CNIH1: variants seen among roughly 807,000 people sequenced by gnomAD.
CNIH1 encodes cornichon family member 1.
In CNIH1, 12 loss-of-function variants were observed where a neutral mutation model predicts 20.2. The observed-to-expected ratio is 0.59, with a 90% CI of 0.38 to 0.96. The LOEUF (loss-of-function observed/expected upper bound fraction) is 0.96. CNIH1 is among the 40% of genes least tolerant of loss of function. The probability of loss-of-function intolerance (pLI) is 0.00; values close to 1 mark genes in which losing one functional copy is unlikely to be tolerated. For missense variants in CNIH1, 152 were observed against 178.8 expected (o/e 0.85, Z 0.85); for synonymous variants, 69 against 63.3 (o/e 1.09, Z -0.43).
chr14:54,440,840 T>C (rs1340393566), intron 1 of CNIH1, among the ~76,000 whole-genome samples: 2 of 152,170 alleles, frequency 1.3e-5, no homozygotes, highest in Non-Finnish European at 2.9e-5. Context: ...AGAAAGTCAA[T>C]CTGTATTAAC....
chr14:54,437,949 T>C (rs1442921314), intron 1 of CNIH1, among the ~76,000 whole-genome samples: 1 of 151,816 alleles, frequency 6.6e-6, no homozygotes, highest in Non-Finnish European at 1.5e-5. Context: ...TGACATTTAA[T>C]TGGACATTTT....
chr14:54,436,928 G>A (rs946813938), intron 1 of CNIH1: 25 of 328,912 alleles, frequency 7.6e-5, no homozygotes, highest in African/African-American at 5.1e-4. Flanking sequence ...CTGGAGTGTG[G>A]TATTTACACA....
rs954535958 is a variant in CNIH1 at position 54,430,008 on chromosome 14, CTGAA to C, written c.407+249_407+252del. ...GAGAATGAGGACCATCCTTTACTGACTGAATGTGTCTGAAAACTTATGAAGCAGC... is the reference window on the plus strand; with the variant it reads ...GAGAATGAGGACCATCCTTTACTGACTGTGTCTGAAAACTTATGAAGCAGC... On this transcript the variant is annotated intron_variant, in intron 4 of 4. Coordinates refer to ENST00000216416, the MANE Select transcript of CNIH1 (RefSeq NM_005776.3). 11 of 445,486 alleles carry C rather than the reference CTGAA, an allele frequency of 2.5e-5. 1 individual carries two copies. The highest frequency in any genetic ancestry group is 3.5e-5 in the Admixed American group (1 of 28,170). The allele number at this position is 445,486 out of a possible 1,614,324, so 27.6% of individuals were successfully genotyped here. A position where few individuals can be genotyped will look rare whatever the true frequency, so the allele number is the denominator to read the frequency against.
At position 54,441,235 on chromosome 14, in the gene CNIH1, C is replaced by G; in HGVS notation, c.81+12G>C. 6.6e-7 allele frequency: 1 copy of G among 1,505,782 alleles called. No homozygotes were observed. Among genetic ancestry groups the G allele is most frequent in the Non-Finnish European group, 8.9e-7 (1 of 1,125,130 alleles). The allele number at this position is 1,505,782 out of a possible 1,614,324, so 93.3% of individuals were successfully genotyped here. ...CCGCCTCGCCCTCCTTTCCCCAGCC[C>G]CAGCTACTCACGTGCCAAATGGCGA... On this transcript the variant is annotated intron_variant, in intron 1 of 4. Transcript: ENST00000216416.
Position 54,436,455 on chromosome 14 carries a change from C to T in CNIH1, c.82-18G>A. ...GCTATAATCTAAAATAAAATTAAAA[C>T]AGTTAGGACCACTCACTTTAATTAA... On this transcript the variant is annotated intron_variant, in intron 1 of 4. Coordinates refer to ENST00000216416, the MANE Select transcript of CNIH1 (RefSeq NM_005776.3). 7.6e-7 allele frequency: 1 copy of T among 1,321,530 alleles called. No homozygotes were observed. Among genetic ancestry groups the T allele is most frequent in the South Asian group, 1.2e-5 (1 of 80,622 alleles). 81.9% of individuals were successfully genotyped at this position (1,321,530 alleles called of 1,614,324 possible). A position where few individuals can be genotyped will look rare whatever the true frequency, so the allele number is the denominator to read the frequency against.
At chr14:54,431,327 C>T (rs1420186143) in intron 3 of CNIH1, among the ~76,000 whole-genome samples, 1 of 152,112 alleles carries the variant, frequency 6.6e-6, no homozygotes, top group Non-Finnish European at 1.5e-5. Context: ...AGGGTTTCAC[C>T]ATCTTGGCCA....
At chr14:54,437,732 T>C (rs1362623141) in intron 1 of CNIH1, among the ~76,000 whole-genome samples, 1 of 152,020 alleles carries the variant, frequency 6.6e-6, no homozygotes, top group Non-Finnish European at 1.5e-5. Flanking sequence ...TAATGACACC[T>C]AACACAAATG....
At chr14:54,438,127 A>C (rs1594619655) in intron 1 of CNIH1, among the ~76,000 whole-genome samples, 2 of 152,094 alleles carry the variant, frequency 1.3e-5, no homozygotes, top group Admixed American at 1.3e-4. Flanking sequence ...CTACAGGTGC[A>C]TGCCACCATG....
At chr14:54,439,922 G>C (rs529500356) in intron 1 of CNIH1, among the ~76,000 whole-genome samples, 1 of 152,266 alleles carries the variant, frequency 6.6e-6, no homozygotes, top group South Asian at 2.1e-4. Context: ...CTTAGGTATT[G>C]TTCTTCCATC....
chr14:54,436,845 T>C (rs2031064337), intron 1 of CNIH1: 4 of 424,360 alleles, frequency 9.4e-6, no homozygotes, highest in African/African-American at 6.3e-5. Flanking sequence ...CTAACTCCTT[T>C]GGGCAGAAGT....
chr14:54,440,233 G>GT (rs1263943304), intron 1 of CNIH1, among the ~76,000 whole-genome samples: 8 of 152,116 alleles, frequency 5.3e-5, no homozygotes, highest in African/African-American at 1.9e-4. Context: ...TAAAATCTAC[G>GT]TAAGAGTGAA....
chr14:54,430,262 C>G lies in CNIH1; in HGVS notation c.406G>C (p.Gly136Arg), dbSNP rs1382130808. 6.2e-7 allele frequency: 1 copy of G among 1,613,822 alleles called. No homozygotes were observed. Among genetic ancestry groups the G allele is most frequent in the African/African-American group, 1.3e-5 (1 of 75,052 alleles). ...TTTCATTTTACCTTTTCAACTTACCCATATAGGTAGTAAAAAAATGCTAGA... is the reference window on the plus strand; with the variant it reads ...TTTCATTTTACCTTTTCAACTTACCGATATAGGTAGTAAAAAAATGCTAGA... ...YLLAFFYYLY[G>R]MIYVLVSS The change falls in exon 4 of 5, where the codon GGC becomes CGC. Residue 136 changes from glycine (G) to arginine (R), a missense_variant and splice_region_variant. By Grantham distance (125) the Gly-to-Arg change is moderately radical (BLOSUM62 -2). Transcript: ENST00000216416.
intron 2 of CNIH1, among the ~76,000 whole-genome samples, chr14:54,433,735 A>T (rs2030994024): frequency 6.6e-6 from 1 of 152,176 alleles, no homozygotes; most frequent in African/African-American, 2.4e-5. Context: ...TAACAAACAA[A>T]TCCTCATGCA....
chr14:54,426,450 T>C lies in CNIH1; in HGVS notation c.*1364A>G, dbSNP rs564288421. The C allele has an allele frequency of 2.6e-4, 40 of 152,302 alleles. No homozygotes were observed. The highest frequency in any genetic ancestry group is 2.5e-3 in the South Asian group (12 of 4,822). The allele number at this position is 152,302 out of a possible 1,614,324, so 9.4% of individuals were successfully genotyped here. A position where few individuals can be genotyped will look rare whatever the true frequency, so the allele number is the denominator to read the frequency against. Reference sequence around the variant, plus strand: ...GAAATTTCTATATATTGGTTCTCTTTCTTTTGATCCTCTTCTCAAGAAACT... The same window carrying C: ...GAAATTTCTATATATTGGTTCTCTTCCTTTTGATCCTCTTCTCAAGAAACT... On this transcript the variant is annotated 3_prime_UTR_variant, in exon 5 of 5. Coordinates refer to ENST00000216416, the MANE Select transcript of CNIH1 (RefSeq NM_005776.3).
intron 2 of CNIH1, among the ~76,000 whole-genome samples, chr14:54,432,937 A>G (rs1335349491): frequency 6.6e-6 from 1 of 152,220 alleles, no homozygotes. Flanking sequence ...CCTGCTTGCC[A>G]ACAAAATGCT....
In CNIH1 at chr14:54,430,284, T is replaced by C; in HGVS notation, c.384A>G (p.Leu128=). ...EGWCKLAFYL[L]AFFYYLYGMI... ...ACCCATATAGGTAGTAAAAAAATGCTAGAAGATAAAAAGCTAATTTGCACC... is the reference window on the plus strand; with the variant it reads ...ACCCATATAGGTAGTAAAAAAATGCCAGAAGATAAAAAGCTAATTTGCACC... The change falls in exon 4 of 5, where the codon CTA becomes CTG. Residue 128 remains leucine (L), a synonymous_variant. Transcript: ENST00000216416. 6.2e-7 allele frequency: 1 copy of C among 1,614,118 alleles called. No individual in the cohort carries two copies. The highest frequency in any genetic ancestry group is 1.1e-5 in the South Asian group (1 of 91,086).
intron 2 of CNIH1, among the ~76,000 whole-genome samples, chr14:54,434,210 T>C (rs1461526565): frequency 6.6e-6 from 1 of 152,250 alleles, no homozygotes; most frequent in African/African-American, 2.4e-5. Context: ...AACTGTCAGA[T>C]GCACTGCTAT....
At chr14:54,429,258 G>A (rs771608089) in intron 4 of CNIH1, among the ~76,000 whole-genome samples, 5 of 152,178 alleles carry the variant, frequency 3.3e-5, no homozygotes, top group Non-Finnish European at 7.3e-5. Flanking sequence ...AGGACATCTG[G>A]CAATGTCCAG....
chr14:54,439,463 C>G (rs889437078), intron 1 of CNIH1, among the ~76,000 whole-genome samples: 3 of 151,974 alleles, frequency 2.0e-5, no homozygotes, highest in Non-Finnish European at 4.4e-5. Context: ...TAAGAATCCC[C>G]ATCATCCCAG....
Sources: allele counts gnomAD v4.1 joint callset (sites outside exome capture counted in the v4.1 genomes callset), GRCh38; gene constraint gnomAD v4.1.1; transcripts MANE v1.5; gene names NCBI Gene and HGNC (gene_info 2026-07-23, HGNC 2026-07-21).